Variants in DLGAP2 observed in about 807,000 individuals in gnomAD.
DLGAP2 encodes the protein DLG associated protein 2.
Under a neutral mutation model 100.3 loss-of-function variants are expected in DLGAP2, and 26 were observed. The observed-to-expected ratio is 0.26, with a 90% confidence interval of 0.19 to 0.36. The LOEUF is 0.36. DLGAP2 is among the 10% of genes least tolerant of loss of function. The probability of loss-of-function intolerance (pLI) is 1.00; values close to 1 mark genes in which losing one functional copy is unlikely to be tolerated. For missense variants in DLGAP2, 1,858 were observed against 1,453.2 expected (o/e 1.28, Z -4.53); for synonymous variants, 886 against 630.1 (o/e 1.41, Z -6.08).
chr8:886,003 G>A (rs1797914758), intron 1 of DLGAP2, among the ~76,000 whole-genome samples: 1 of 152,198 alleles, frequency 6.6e-6, no homozygotes. Flanking sequence ...ATTTCTGGTA[G>A]AATTCAGCTG....
chr8:859,546 A>C (rs755403211), intron 1 of DLGAP2, among the ~76,000 whole-genome samples: 2 of 152,096 alleles, frequency 1.3e-5, no homozygotes, highest in Non-Finnish European at 2.9e-5. Context: ...TATTTCTACA[A>C]CACAGGGACT....
chr8:1,266,676 C>T (rs191245704), intron 3 of DLGAP2, among the ~76,000 whole-genome samples: 29 of 152,160 alleles, frequency 1.9e-4, no homozygotes, highest in African/African-American at 7.0e-4. Context: ...TGGGTGCACC[C>T]GGGACGTTGA....
At chr8:836,161 G>A (rs1796871479) in intron 1 of DLGAP2, among the ~76,000 whole-genome samples, 1 of 152,230 alleles carries the variant, frequency 6.6e-6, no homozygotes, top group South Asian at 2.1e-4. Flanking sequence ...GAATCCTGCA[G>A]TGTCAGGAAA....
At position 1,702,881 on chromosome 8, in the gene DLGAP2, C is replaced by G. The variant is rs1053406976; in HGVS notation, c.*1475C>G. ...AGATGTTTCCACCCCAATACCTGGTCTTCCTTCCCGGCTTAAGGAGTACCA... is the reference window on the plus strand; with the variant it reads ...AGATGTTTCCACCCCAATACCTGGTGTTCCTTCCCGGCTTAAGGAGTACCA... On this transcript the variant is annotated 3_prime_UTR_variant, in exon 15 of 15. Coordinates refer to ENST00000637795, the MANE Select transcript of DLGAP2 (RefSeq NM_001346810.2). 1 of 152,812 alleles carries G rather than the reference C, an allele frequency of 6.5e-6. No individual in the cohort carries two copies. The highest frequency in any genetic ancestry group is 2.1e-4 in the South Asian group (1 of 4,828). The allele number at this position is 152,812 out of a possible 1,614,324, so 9.5% of individuals were successfully genotyped here.
At chr8:1,286,313 T>G (rs1049790609) in intron 3 of DLGAP2, among the ~76,000 whole-genome samples, 1 of 152,226 alleles carries the variant, frequency 6.6e-6, no homozygotes, top group Non-Finnish European at 1.5e-5. Flanking sequence ...TAAACTTCTT[T>G]ACTTTATAAA....
chr8:1,311,268 C>T (rs1410978878), intron 3 of DLGAP2, among the ~76,000 whole-genome samples: 6 of 152,082 alleles, frequency 3.9e-5, no homozygotes, highest in South Asian at 4.1e-4. Context: ...AATAAGAGAT[C>T]GAATCTATAA....
chr8:1,175,913 C>G (rs4735990), intron 2 of DLGAP2, among the ~76,000 whole-genome samples: 77,457 of 152,120 alleles, frequency 0.51, 20,769 homozygotes, highest in Admixed American at 0.63. Flanking sequence ...GTCGCATCCT[C>G]CCTCTCGGCT....
chr8:943,441 C>T (rs913983959), intron 2 of DLGAP2, among the ~76,000 whole-genome samples: 2 of 152,256 alleles, frequency 1.3e-5, no homozygotes, highest in Non-Finnish European at 1.5e-5. Context: ...GGTGGCTGCT[C>T]TGTGGGAAAG....
intron 4 of DLGAP2, among the ~76,000 whole-genome samples, chr8:1,536,583 G>C (rs1171169284): frequency 6.6e-6 from 1 of 152,162 alleles, no homozygotes. Context: ...CGAAAGTGTA[G>C]TATAAATTCC....
chr8:977,146 C>G (rs75265423), intron 2 of DLGAP2, among the ~76,000 whole-genome samples: 2,072 of 152,340 alleles, frequency 0.014, 55 homozygotes, highest in African/African-American at 0.048. Flanking sequence ...ACCTCTCTCA[C>G]TTTCCTCCTC....
At chr8:1,442,253 C>T (rs114104305) in intron 3 of DLGAP2, among the ~76,000 whole-genome samples, 1,735 of 104,322 alleles carry the variant, frequency 0.017, 47 homozygotes, top group African/African-American at 0.047. Context: ...ACCCGCCAGG[C>T]TGCTGTGGGT....
chr8:1,637,544 A>G (rs931967328), intron 8 of DLGAP2, among the ~76,000 whole-genome samples: 3 of 152,172 alleles, frequency 2.0e-5, no homozygotes, highest in Non-Finnish European at 2.9e-5. Flanking sequence ...AAATGACCAG[A>G]GGAAATGAAT....
chr8:1,507,916 G>A (rs1393196467), intron 4 of DLGAP2, among the ~76,000 whole-genome samples: 1 of 148,444 alleles, frequency 6.7e-6, no homozygotes, highest in East Asian at 2.0e-4. Flanking sequence ...GGAGCATCGT[G>A]ACCACACATT....
At chr8:909,577 G>C (rs1012877738) in intron 2 of DLGAP2, among the ~76,000 whole-genome samples, 4 of 152,004 alleles carry the variant, frequency 2.6e-5, no homozygotes, top group African/African-American at 7.2e-5. Flanking sequence ...TCAATCTGTA[G>C]AACCAAGAGA....
intron 6 of DLGAP2, chr8:1,619,980 C>T (rs1243981486): frequency 3.9e-5 from 6 of 152,212 alleles, no homozygotes; most frequent in African/African-American, 1.4e-4. Context: ...AGGCCCGCCT[C>T]TTTGAGTGTC....
intron 1 of DLGAP2, chr8:891,575 C>G (rs1470022946): frequency 1.3e-5 from 2 of 152,468 alleles, no homozygotes; most frequent in African/African-American, 4.8e-5. Flanking sequence ...TGTTCCATCT[C>G]AGAGAGCGTG....
intron 2 of DLGAP2, among the ~76,000 whole-genome samples, chr8:1,214,317 C>T (rs923120362): frequency 1.4e-4 from 22 of 152,222 alleles, no homozygotes; most frequent in Admixed American, 3.3e-4. Context: ...CCTGCGGCCC[C>T]GCCACTCAGG....
intron 2 of DLGAP2, among the ~76,000 whole-genome samples, chr8:1,187,633 A>T (rs1797538514): frequency 1.5e-5 from 2 of 133,360 alleles, no homozygotes; most frequent in Middle Eastern, 5.7e-3. Context: ...GACCTCCGTG[A>T]CGTTTGTCTC....
intron 1 of DLGAP2, among the ~76,000 whole-genome samples, chr8:836,095 G>C (rs569328426): frequency 1.3e-5 from 2 of 152,308 alleles, no homozygotes; most frequent in South Asian, 2.1e-4. Context: ...CACAGCGGCG[G>C]CGCAACAGCT....
Sources: allele counts gnomAD v4.1 joint callset (sites outside exome capture counted in the v4.1 genomes callset), GRCh38; gene constraint gnomAD v4.1.1; transcripts MANE v1.5; gene names NCBI Gene and HGNC (gene_info 2026-07-23, HGNC 2026-07-21).